GRIK2: variants seen among roughly 807,000 people sequenced by gnomAD.
GRIK2 encodes glutamate receptor ionotropic, kainate 2.
Under a neutral mutation model 100.3 loss-of-function variants are expected in GRIK2, and 32 were observed. That is an observed-to-expected ratio of 0.32 (90% CI 0.24 to 0.43). The LOEUF is 0.43. Ranked by LOEUF, GRIK2 falls within the 20% of genes least tolerant of loss-of-function variation. GRIK2 has a pLI of 1.00. For synonymous variants in GRIK2, 417 were observed against 389.4 expected (o/e 1.07, Z -0.83); for missense variants, 843 against 1,114.9 (o/e 0.76, Z 3.47).
At chr6:101,567,181 A>C (rs1777319336) in intron 2 of GRIK2, among the ~76,000 whole-genome samples, 1 of 151,862 alleles carries the variant, frequency 6.6e-6, no homozygotes, top group Non-Finnish European at 1.5e-5. Context: ...ATATTTTTTG[A>C]TGGCATTCAT....
In GRIK2 at chr6:101,872,811, T is replaced by C. The variant is rs187311844; in HGVS notation, c.1524+13318T>C. Among the ~76,000 whole-genome samples the C allele has an allele frequency of 3.9e-5, 6 of 152,090 alleles. No homozygotes were observed. The East Asian group carries it at 1.2e-3, about 29-fold the overall frequency. On this transcript the variant is annotated intron_variant, in intron 11 of 16. Coordinates refer to ENST00000369134, the MANE Select transcript of GRIK2 (RefSeq NM_021956.5). Reference sequence around the variant, plus strand: ...AAATATTAAATAGATTAAGTAATTTTATGTCTGTTTTCAATGAGAATTTAA... The same window carrying C: ...AAATATTAAATAGATTAAGTAATTTCATGTCTGTTTTCAATGAGAATTTAA...
At chr6:101,593,676 A>T (rs1778782605) in intron 2 of GRIK2, among the ~76,000 whole-genome samples, 1 of 151,900 alleles carries the variant, frequency 6.6e-6, no homozygotes, top group African/African-American at 2.4e-5. Context: ...ACAAACTCAT[A>T]AAATTAGGTG....
chr6:101,818,513 T>G, intron 10 of GRIK2, 30 bp downstream of exon 10: 2 of 1,200,414 alleles, frequency 1.7e-6, no homozygotes, highest in Non-Finnish European at 2.5e-6. Context: ...TTATTCTTAG[T>G]TAAATGTAGA....
intron 12 of GRIK2, among the ~76,000 whole-genome samples, chr6:101,906,357 A>G (rs1271917800): frequency 4.1e-5 from 1 of 24,298 alleles, no homozygotes; most frequent in Non-Finnish European, 1.3e-4. Context: ...CATAACTATA[A>G]AACAAGATCT....
At chr6:101,553,532 A>G (rs2128293171) in intron 2 of GRIK2, among the ~76,000 whole-genome samples, 1 of 152,302 alleles carries the variant, frequency 6.6e-6, no homozygotes, top group Non-Finnish European at 1.5e-5. Flanking sequence ...AAAAAATACC[A>G]CCATCAAAAG....
Position 102,065,630 on chromosome 6 carries a change from A to T in GRIK2, c.2563-2717A>T, listed in dbSNP as rs189926736. 1.8e-3 allele frequency among the ~76,000 whole-genome samples: 273 copies of T among 151,612 alleles called. 3 individuals are homozygous for T. Among genetic ancestry groups the T allele is most frequent in the East Asian group, 1.4e-3 (7 of 5,170 alleles). On this transcript the variant is annotated intron_variant, in intron 16 of 16. Coordinates refer to ENST00000369134, the MANE Select transcript of GRIK2 (RefSeq NM_021956.5). ...TCTGAAAATTGAGATTGCCAAGAAG[A>T]AGGTGTCATAAATTTTTGAAGATTT...
chr6:102,031,928 CCAAA>C (rs1168776946), intron 14 of GRIK2, among the ~76,000 whole-genome samples: 1 of 151,112 alleles, frequency 6.6e-6, no homozygotes, highest in East Asian at 2.0e-4. Flanking sequence ...CTTTTCTATT[CCAAA>C]AAGGAAGAGA....
intron 14 of GRIK2, among the ~76,000 whole-genome samples, chr6:101,960,816 T>G (rs563620238): frequency 6.6e-6 from 1 of 152,272 alleles, no homozygotes; most frequent in African/African-American, 2.4e-5. Context: ...CAATCTCCAG[T>G]TCATTAGGTG....
chr6:102,067,311 T>C (rs1772067051), intron 16 of GRIK2, among the ~76,000 whole-genome samples: 1 of 151,750 alleles, frequency 6.6e-6, no homozygotes, highest in South Asian at 2.1e-4. Flanking sequence ...TTATTAACTA[T>C]AGTGGCCATG....
chr6:101,693,939 A>C (rs1326526470), intron 7 of GRIK2, among the ~76,000 whole-genome samples: 1 of 152,048 alleles, frequency 6.6e-6, no homozygotes, highest in East Asian at 1.9e-4. Context: ...ATGACGAATC[A>C]CCAATGATAT....
chr6:101,566,065 C>T (rs1777257653), intron 2 of GRIK2, among the ~76,000 whole-genome samples: 1 of 150,958 alleles, frequency 6.6e-6, no homozygotes, highest in Non-Finnish European at 1.5e-5. Context: ...TCCTTGTCAT[C>T]TTCATACTGA....
At chr6:101,478,765 C>A (rs1311681006) in intron 2 of GRIK2, among the ~76,000 whole-genome samples, 2 of 151,866 alleles carry the variant, frequency 1.3e-5, no homozygotes, top group African/African-American at 4.8e-5. Context: ...ACCTCGTGAT[C>A]CGCTCACCTT....
At chr6:101,754,972 T>C (rs1777034579) in intron 7 of GRIK2, among the ~76,000 whole-genome samples, 1 of 152,130 alleles carries the variant, frequency 6.6e-6, no homozygotes, top group Non-Finnish European at 1.5e-5. Context: ...AACTTGATCC[T>C]TTCAGCGATG....
At chr6:101,580,650 C>G (rs1338735349) in intron 2 of GRIK2, among the ~76,000 whole-genome samples, 1 of 152,074 alleles carries the variant, frequency 6.6e-6, no homozygotes, top group East Asian at 1.9e-4. Flanking sequence ...ACCTCTAAGG[C>G]CCTAACTAAC....
chr6:101,878,101 T>C (rs1172178146), intron 11 of GRIK2, among the ~76,000 whole-genome samples: 1 of 143,890 alleles, frequency 6.9e-6, no homozygotes, highest in East Asian at 2.0e-4. Flanking sequence ...TATATTATAT[T>C]ATATTATATT....
At chr6:101,418,262 A>T (rs577950973) in intron 2 of GRIK2, among the ~76,000 whole-genome samples, 1 of 152,332 alleles carries the variant, frequency 6.6e-6, no homozygotes, top group South Asian at 2.1e-4. Flanking sequence ...TCTATTATCC[A>T]TTTAAACATA....
chr6:101,735,391 G>A lies in GRIK2; in HGVS notation c.951+49038G>A, dbSNP rs191351338. Among the ~76,000 whole-genome samples, 350 of 152,232 alleles carry A rather than the reference G, an allele frequency of 2.3e-3. 2 individuals are homozygous for A. The highest frequency in any genetic ancestry group is 7.8e-3 in the African/African-American group (322 of 41,540). ...TTTAGAAAACATACTGTATTAGTCC[G>A]CTTTCAGGCTGCTGATAAAGGCATA... On this transcript the variant is annotated intron_variant, in intron 7 of 16. Transcript: ENST00000369134.
chr6:101,898,595 C>A (rs1327659575), intron 12 of GRIK2, among the ~76,000 whole-genome samples: 1 of 151,746 alleles, frequency 6.6e-6, no homozygotes, highest in Non-Finnish European at 1.5e-5. Context: ...CATTAGCAAC[C>A]AAATGTGTAG....
intron 7 of GRIK2, among the ~76,000 whole-genome samples, chr6:101,755,520 T>C (rs1777084037): frequency 6.6e-6 from 1 of 152,104 alleles, no homozygotes; most frequent in African/African-American, 2.4e-5. Flanking sequence ...TTCAAAATCT[T>C]TTCTACCTAG....
Sources: gnomAD v4.1 joint callset for allele counts (sites outside exome capture counted in the v4.1 genomes callset) on GRCh38, gnomAD v4.1.1 for gene constraint, MANE v1.5 for transcripts, NCBI Gene and HGNC (gene_info 2026-07-23, HGNC 2026-07-21) for gene names.